The following FBXO34 variants were observed in gnomAD, a reference collection of about 807,000 sequenced individuals.
The protein encoded by FBXO34 is F-box protein 34, also known as F-box only protein 34.
In FBXO34, 12 loss-of-function variants were observed where a neutral mutation model predicts 24.5. The ratio of observed to expected loss-of-function variants is 0.49; its 90% confidence interval spans 0.31 to 0.79. The LOEUF is 0.79. FBXO34 is among the 30% of genes least tolerant of loss of function. FBXO34 has a pLI of 0.04. For synonymous variants in FBXO34, 320 were observed against 311.9 expected, an observed-to-expected ratio of 1.03 and a Z score of -0.27; for missense variants, 823 against 857.7, an observed-to-expected ratio of 0.96 and a Z score of 0.51.
intron 1 of FBXO34, among the ~76,000 whole-genome samples, chr14:55,336,181 G>C (rs935072579): frequency 1.3e-5 from 2 of 152,204 alleles, no homozygotes; most frequent in African/African-American, 4.8e-5. Flanking sequence ...GGTCTTGACT[G>C]CTGTTGTCTT....
chr14:55,383,605 A>T, the FBXO34 span, among the ~76,000 whole-genome samples: 3 of 151,616 alleles, frequency 2.0e-5, no homozygotes, highest in South Asian at 6.2e-4. Flanking sequence ...AACCCCCAAG[A>T]ACAACAAAAA....
chr14:55,311,262 C>G (rs904732322), intron 1 of FBXO34, among the ~76,000 whole-genome samples: 3 of 152,166 alleles, frequency 2.0e-5, no homozygotes, highest in Admixed American at 2.0e-4. Flanking sequence ...ATAATTCATT[C>G]ACTAACATGA....
At chr14:55,397,082 C>T in the FBXO34 span, among the ~76,000 whole-genome samples, 1 of 152,228 alleles carries the variant, frequency 6.6e-6, no homozygotes, top group Non-Finnish European at 1.5e-5. Flanking sequence ...TTTAAGTCTA[C>T]TAATCATGCT....
chr14:55,428,092 C>T, the FBXO34 span, among the ~76,000 whole-genome samples: 20 of 144,748 alleles, frequency 1.4e-4, no homozygotes, highest in Non-Finnish European at 3.0e-4. Context: ...CCCTTCCTAC[C>T]GGCCTAGTCC....
downstream of FBXO34, among the ~76,000 whole-genome samples, chr14:55,371,586 C>A (rs796684650): frequency 6.6e-6 from 1 of 151,846 alleles, no homozygotes; most frequent in Non-Finnish European, 1.5e-5. Flanking sequence ...GCGGGCAGAT[C>A]ACGAGGTCAG....
intron 1 of FBXO34, among the ~76,000 whole-genome samples, chr14:55,302,584 C>G (rs1380427504): frequency 2.6e-5 from 4 of 151,556 alleles, no homozygotes; most frequent in African/African-American, 9.7e-5. Flanking sequence ...AGCCACTGCA[C>G]TTGGCCCGTA....
At chr14:55,371,166 G>T (rs1884808552), downstream of FBXO34, among the ~76,000 whole-genome samples, 2 of 152,304 alleles carry the variant, frequency 1.3e-5, no homozygotes, top group Admixed American at 6.5e-5. Context: ...CACTGATAAC[G>T]ACTTTGGGGA....
chr14:55,285,065 T>G (rs1881711217), intron 1 of FBXO34, among the ~76,000 whole-genome samples: 1 of 149,446 alleles, frequency 6.7e-6, no homozygotes. Context: ...AAAGATCAGT[T>G]GTAAAGCTTC....
At chr14:55,358,473 C>T (rs540425523), downstream of FBXO34, among the ~76,000 whole-genome samples, 46 of 152,318 alleles carry the variant, frequency 3.0e-4, 1 homozygote, top group South Asian at 5.8e-3. Flanking sequence ...TACTGAGCCA[C>T]GCCTCAGCCA....
chr14:55,321,476 A>C (rs2140023415), intron 1 of FBXO34, among the ~76,000 whole-genome samples: 1 of 151,676 alleles, frequency 6.6e-6, no homozygotes, highest in African/African-American at 2.4e-5. Flanking sequence ...AGCTCACTGC[A>C]ACCTCTACCT....
the FBXO34 span, chr14:55,440,502 G>T: frequency 1.9e-6 from 3 of 1,612,214 alleles, no homozygotes; most frequent in East Asian, 4.5e-5. Flanking sequence ...TAAGCGCGGA[G>T]CGAGCAGCCT....
chr14:55,273,158 G>C (rs1443176449), intron 1 of FBXO34, among the ~76,000 whole-genome samples: 1 of 151,620 alleles, frequency 6.6e-6, no homozygotes. Flanking sequence ...CACTGACCTT[G>C]ACTTGTAATG....
intron 1 of FBXO34, among the ~76,000 whole-genome samples, chr14:55,290,037 T>C (rs1881890725): frequency 6.6e-6 from 1 of 152,114 alleles, no homozygotes. Flanking sequence ...AGGAGGGTGA[T>C]TTAGGGCTCA....
chr14:55,393,254 G>A, the FBXO34 span, among the ~76,000 whole-genome samples: 133 of 152,136 alleles, frequency 8.7e-4, no homozygotes, highest in Non-Finnish European at 1.2e-3. Context: ...GCGTGGTGGT[G>A]GGCGCCTGTA....
chr14:55,327,908 GTTTTTTTTTTTTTTTTTTTTTTTT>G (rs386381425), intron 1 of FBXO34, among the ~76,000 whole-genome samples: 1 of 48,698 alleles, frequency 2.1e-5, no homozygotes, highest in Non-Finnish European at 3.5e-5. Context: ...GTTGTTGTTG[GTTTTTTTTTTTTTTTTTTTTTTTT>G]TTTTTTTTTT....
At chr14:55,361,097 G>A (rs1187438501) in intron 3 of FBXO34, among the ~76,000 whole-genome samples, 1 of 152,092 alleles carries the variant, frequency 6.6e-6, no homozygotes, top group Non-Finnish European at 1.5e-5. Flanking sequence ...GTTTTCAGTT[G>A]ACTTTGCCCA....
At chr14:55,302,291 G>T (rs1566546903) in intron 1 of FBXO34, among the ~76,000 whole-genome samples, 1 of 152,164 alleles carries the variant, frequency 6.6e-6, no homozygotes, top group East Asian at 1.9e-4. Flanking sequence ...CAGCTATATA[G>T]AGATAGATAG....
rs554918339 is a variant in FBXO34, at chr14:55,284,114, T to G, written c.-11+12577T>G. On this transcript the variant is annotated intron_variant, in intron 1 of 1. Coordinates refer to ENST00000313833, the MANE Select transcript of FBXO34 (RefSeq NM_017943.4). ...CCTGAGCTCAAGCAGTCCTCTTGCC[T>G]CAGCCTCTTGAGTAGCTAGGACTTA... Among the ~76,000 whole-genome samples the G allele has an allele frequency of 3.9e-5, 6 of 152,266 alleles. No homozygotes were observed. In the East Asian group the frequency reaches 1.2e-3, roughly 29 times the overall value.
chr14:55,365,047 CATCTCTACTTTAAAAAA>C (rs1427117307), downstream of FBXO34, among the ~76,000 whole-genome samples: 1 of 139,840 alleles, frequency 7.2e-6, no homozygotes, highest in African/African-American at 2.6e-5. Flanking sequence ...GGTGAAACCC[CATCTCTACTTTAAAAAA>C]AAAAAAAAAA....
Sources: allele counts gnomAD v4.1 joint callset (sites outside exome capture counted in the v4.1 genomes callset), GRCh38; gene constraint gnomAD v4.1.1; transcripts MANE v1.5; gene names NCBI Gene and HGNC (gene_info 2026-07-23, HGNC 2026-07-21).